GPR158: variants seen among roughly 807,000 people sequenced by gnomAD.
GPR158 encodes the protein metabotropic glycine receptor.
A neutral mutation model predicts 78.2 loss-of-function variants in GPR158; 30 were observed. The observed-to-expected ratio is 0.38, with a 90% CI of 0.29 to 0.52. The LOEUF is 0.52. Among genes scored for constraint, GPR158 ranks in the 20% least tolerant of loss-of-function variants. The pLI is 0.83. For synonymous variants in GPR158, 581 were observed against 591.1 expected (o/e 0.98, Z 0.25); for missense variants, 1,463 against 1,523.5 (o/e 0.96, Z 0.66).
chr10:25,204,613 A>G (rs770702062), intron 1 of GPR158, among the ~76,000 whole-genome samples: 2 of 152,144 alleles, frequency 1.3e-5, no homozygotes, highest in Non-Finnish European at 2.9e-5. Flanking sequence ...CCACTTGATC[A>G]TGGTGGATAA....
chr10:25,464,569 A>G (rs1835397463), intron 4 of GPR158, among the ~76,000 whole-genome samples: 1 of 152,228 alleles, frequency 6.6e-6, no homozygotes, highest in East Asian at 1.9e-4. Flanking sequence ...TAAGGTAAAG[A>G]TTAAAATACC....
chr10:25,570,607 G>T (rs1239938310), intron 6 of GPR158, among the ~76,000 whole-genome samples: 2 of 152,082 alleles, frequency 1.3e-5, no homozygotes, highest in African/African-American at 4.8e-5. Flanking sequence ...TTCAAGAGAG[G>T]TTTCATAGAA....
chr10:25,387,996 T>C (rs1268910616), intron 2 of GPR158, among the ~76,000 whole-genome samples: 4 of 152,072 alleles, frequency 2.6e-5, no homozygotes, highest in Admixed American at 2.6e-4. Context: ...GATTCAATCT[T>C]GATAGCGTGT....
At chr10:25,566,024 T>C (rs1018419921) in intron 6 of GPR158, among the ~76,000 whole-genome samples, 4 of 152,160 alleles carry the variant, frequency 2.6e-5, no homozygotes, top group Non-Finnish European at 5.9e-5. Flanking sequence ...TTTTGTGACA[T>C]GTCTTAGATT....
intron 2 of GPR158, among the ~76,000 whole-genome samples, chr10:25,362,041 T>C (rs1855648484): frequency 6.6e-6 from 1 of 151,950 alleles, no homozygotes; most frequent in Admixed American, 6.6e-5. Context: ...GTTAAAGAAA[T>C]TATTCTCAAG....
chr10:25,468,498 A>G (rs1588877228), intron 5 of GPR158, among the ~76,000 whole-genome samples: 1 of 152,190 alleles, frequency 6.6e-6, no homozygotes, highest in East Asian at 1.9e-4. Context: ...ATGAAAGGCA[A>G]AGTTGGTATG....
intron 5 of GPR158, among the ~76,000 whole-genome samples, chr10:25,500,332 T>C (rs377565328): frequency 1.3e-5 from 2 of 152,232 alleles, no homozygotes; most frequent in Non-Finnish European, 2.9e-5. Context: ...CAGATAAATA[T>C]GGAAAAAGGT....
At position 25,175,750 on chromosome 10, in the gene GPR158, G is replaced by T. The variant is rs749862811; in HGVS notation, c.330G>T (p.Gly110=). Reference sequence around the variant, plus strand: ...GCTACGAGTTGGCGGGCCTGCCGGGGAAGTGGCCAGCCCTGGCCAGCGCGC... The same window carrying T: ...GCTACGAGTTGGCGGGCCTGCCGGGTAAGTGGCCAGCCCTGGCCAGCGCGC... ...SGRYELAGLP[G]KWPALASAHP... Residue 110 remains glycine (G), a synonymous_variant, in exon 1 of 11, where the codon GGG becomes GGT. Coordinates refer to ENST00000376351, the MANE Select transcript of GPR158 (RefSeq NM_020752.3). The surrounding 1 kb of genome is among the most constrained non-coding windows in gnomAD (Gnocchi z 6.4). The T allele has an allele frequency of 1.9e-6, 3 of 1,611,368 alleles. No homozygotes were observed. The South Asian group carries it at 3.3e-5, about 18-fold the overall frequency.
At chr10:25,235,562 T>C (rs142788585) in intron 2 of GPR158, among the ~76,000 whole-genome samples, 28 of 152,100 alleles carry the variant, frequency 1.8e-4, no homozygotes, top group African/African-American at 6.5e-4. Flanking sequence ...TTTCTAGAGA[T>C]AGTATTGCAT....
chr10:25,225,046 CTT>C (rs758811259), intron 2 of GPR158, among the ~76,000 whole-genome samples: 141 of 152,190 alleles, frequency 9.3e-4, no homozygotes, highest in Middle Eastern at 3.4e-3. Context: ...CTTGAAAAGA[CTT>C]TCTCATGGAT....
chr10:25,341,604 C>T (rs1012887148), intron 2 of GPR158, among the ~76,000 whole-genome samples: 1 of 151,776 alleles, frequency 6.6e-6, no homozygotes, highest in Non-Finnish European at 1.5e-5. Flanking sequence ...AGTGGGAGTG[C>T]CCATTACAGT....
At chr10:25,480,743 C>A (rs534869486) in intron 5 of GPR158, among the ~76,000 whole-genome samples, 3 of 152,148 alleles carry the variant, frequency 2.0e-5, no homozygotes, top group Admixed American at 6.6e-5. Context: ...TCACTGGACA[C>A]TTAGGTTGTT....
intron 5 of GPR158, among the ~76,000 whole-genome samples, chr10:25,516,545 G>C (rs1348573054): frequency 7.6e-6 from 1 of 132,238 alleles, no homozygotes; most frequent in Non-Finnish European, 1.6e-5. Context: ...ATTGATTTTT[G>C]TATAAGGTGT....
intron 2 of GPR158, among the ~76,000 whole-genome samples, chr10:25,336,574 T>TTATACAGCTCTAACTAATGAGAC (rs1213735651): frequency 6.6e-6 from 1 of 152,060 alleles, no homozygotes; most frequent in Non-Finnish European, 1.5e-5. Context: ...CAAGGGCATG[T>TTATACAGCTCTAACTAATGAGAC]TATACAGCTC....
intron 2 of GPR158, among the ~76,000 whole-genome samples, chr10:25,372,896 G>GA (rs1178028511): frequency 1.3e-5 from 2 of 151,142 alleles, no homozygotes; most frequent in African/African-American, 2.4e-5. Context: ...TTAATACAAA[G>GA]AAAAAAAGAC....
At chr10:25,529,012 GAAAGT>G (rs1027658643) in intron 5 of GPR158, among the ~76,000 whole-genome samples, 1 of 152,168 alleles carries the variant, frequency 6.6e-6, no homozygotes, top group African/African-American at 2.4e-5. Flanking sequence ...ATTCAACAGG[GAAAGT>G]AAAGTCTTTT....
intron 7 of GPR158, among the ~76,000 whole-genome samples, chr10:25,584,849 A>G (rs954231965): frequency 2.6e-5 from 4 of 152,254 alleles, no homozygotes; most frequent in Non-Finnish European, 5.9e-5. Flanking sequence ...AGATCAATTC[A>G]TGAATCAGGA....
rs1364240302 is a variant in GPR158, at chr10:25,241,244, TCTTTC to T, written c.1008+20093_1008+20097del. Among the ~76,000 whole-genome samples, 307 of 132,380 alleles carry T rather than the reference TCTTTC, an allele frequency of 2.3e-3. 6 individuals carry two copies. Among genetic ancestry groups the T allele is most frequent in the African/African-American group, 7.9e-3 (255 of 32,384 alleles). 86.8% of individuals were successfully genotyped at this position (132,380 alleles called of 152,430 possible). On this transcript the variant is annotated intron_variant, in intron 2 of 10. Transcript: ENST00000376351. ...TCCTTTTTCTTTCCTTTCTTTCCTT[TCTTTC>T]CTTTCTTTCCTTTCTTTCTTTCCTT... is the stretch of plus-strand genomic sequence containing the variant.
chr10:25,575,769 C>A (rs1443707680), intron 7 of GPR158, among the ~76,000 whole-genome samples: 2 of 151,892 alleles, frequency 1.3e-5, no homozygotes, highest in African/African-American at 4.8e-5. Flanking sequence ...TCCATGTTTC[C>A]CTTTTCTCTT....
Sources: allele counts gnomAD v4.1 joint callset (sites outside exome capture counted in the v4.1 genomes callset), GRCh38; gene constraint gnomAD v4.1.1; non-coding constraint Gnocchi (gnomAD v3.1); transcripts MANE v1.5; gene names NCBI Gene and HGNC (gene_info 2026-07-23, HGNC 2026-07-21).